MOB3B: variants seen among roughly 807,000 people sequenced by gnomAD.
MOB3B encodes the protein MOB kinase activator 3B.
Under a neutral mutation model 18.7 loss-of-function variants are expected in MOB3B, and 7 were observed. The ratio of observed to expected loss-of-function variants is 0.37; its 90% CI spans 0.21 to 0.70. The LOEUF (loss-of-function observed/expected upper bound fraction) is 0.70. Ranked by LOEUF, MOB3B falls within the 30% of genes least tolerant of loss-of-function variation. The pLI, the probability that MOB3B is intolerant of heterozygous loss-of-function variation, is 0.52. For synonymous variants in MOB3B, 111 were observed against 99.9 expected (o/e 1.11, Z -0.66); for missense variants, 253 against 281.3 (o/e 0.90, Z 0.72).
At chr9:27,489,817 C>T (rs1159071894) in intron 1 of MOB3B, among the ~76,000 whole-genome samples, 1 of 141,822 alleles carries the variant, frequency 7.1e-6, no homozygotes, top group Non-Finnish European at 1.5e-5. Flanking sequence ...TACAAGAATA[C>T]ACAAACTAAC....
chr9:27,393,372 A>AGT (rs35949017), intron 2 of MOB3B, among the ~76,000 whole-genome samples: 5,107 of 148,716 alleles, frequency 0.034, 143 homozygotes, highest in Admixed American at 0.087. Context: ...GGTGCAGAGA[A>AGT]GTGTGTGTGT....
chr9:27,472,226 T>A (rs1819483319), intron 1 of MOB3B, among the ~76,000 whole-genome samples: 1 of 151,902 alleles, frequency 6.6e-6, no homozygotes, highest in Non-Finnish European at 1.5e-5. Flanking sequence ...CCACACTATT[T>A]TTTTTTTAAT....
At chr9:27,466,716 AG>A (rs1255666427) in intron 1 of MOB3B, among the ~76,000 whole-genome samples, 3 of 152,232 alleles carry the variant, frequency 2.0e-5, no homozygotes, top group African/African-American at 7.2e-5. Context: ...AAGAAGCAAA[AG>A]CAGAAACCCC....
At chr9:27,479,873 T>A (rs985782145) in intron 1 of MOB3B, among the ~76,000 whole-genome samples, 4 of 152,012 alleles carry the variant, frequency 2.6e-5, no homozygotes, top group Admixed American at 2.0e-4. Flanking sequence ...CTGGGCAACA[T>A]AGTGAGACCT....
intron 1 of MOB3B, among the ~76,000 whole-genome samples, chr9:27,514,012 C>A (rs1401668867): frequency 6.6e-6 from 1 of 152,034 alleles, no homozygotes; most frequent in Admixed American, 6.6e-5. Flanking sequence ...CCATGAGAAA[C>A]CGTATTATCA....
At chr9:27,341,818 T>C (rs191469013) in intron 3 of MOB3B, among the ~76,000 whole-genome samples, 1 of 152,258 alleles carries the variant, frequency 6.6e-6, no homozygotes, top group East Asian at 1.9e-4. Context: ...GAGCGAGAAT[T>C]CAAACCAGGA....
intron 1 of MOB3B, among the ~76,000 whole-genome samples, chr9:27,521,981 G>A (rs1353192112): frequency 2.6e-5 from 4 of 151,992 alleles, no homozygotes; most frequent in East Asian, 1.9e-4. Flanking sequence ...AGTGGCTCAC[G>A]CCTGTAATCC....
Position 27,524,972 on chromosome 9 carries a change from G to A in MOB3B, c.-199+4583C>T, listed in dbSNP as rs1327472071. 5 of 1,549,780 alleles carry A rather than the reference G, an allele frequency of 3.2e-6. No homozygotes were observed. The South Asian group carries it at 5.0e-5, about 15-fold the overall frequency. On this transcript the variant is annotated intron_variant, in intron 1 of 3. Transcript: ENST00000262244. ...TCAGGAGGAAATAAGGTATATTTTT[G>A]GAATTAAAATTCCTTTTCCCTCCGA...
intron 2 of MOB3B, among the ~76,000 whole-genome samples, chr9:27,420,445 T>TTA (rs758690675): frequency 5.4e-5 from 8 of 149,370 alleles, no homozygotes; most frequent in Admixed American, 6.7e-5. Flanking sequence ...GAAACTATGA[T>TTA]TATATATATA....
At chr9:27,337,095 G>A (rs1461282967) in intron 3 of MOB3B, among the ~76,000 whole-genome samples, 3 of 152,192 alleles carry the variant, frequency 2.0e-5, no homozygotes, top group Non-Finnish European at 2.9e-5. Context: ...GACATACCTG[G>A]AAAAGTGGCT....
intron 2 of MOB3B, among the ~76,000 whole-genome samples, chr9:27,382,390 A>G (rs1406677005): frequency 6.6e-6 from 1 of 152,086 alleles, no homozygotes; most frequent in African/African-American, 2.4e-5. Context: ...AGTAGGATCA[A>G]CTGTTCCTAG....
chr9:27,360,661 C>G (rs530388717), intron 2 of MOB3B, among the ~76,000 whole-genome samples: 4 of 152,340 alleles, frequency 2.6e-5, no homozygotes, highest in Admixed American at 2.6e-4. Flanking sequence ...CTTCCCTCCA[C>G]AGAAACCTAG....
chr9:27,356,393 T>C (rs1587151597), intron 3 of MOB3B, among the ~76,000 whole-genome samples: 1 of 152,204 alleles, frequency 6.6e-6, no homozygotes, highest in Non-Finnish European at 1.5e-5. Flanking sequence ...GTCTAGGATA[T>C]TGACATGTTT....
intron 2 of MOB3B, among the ~76,000 whole-genome samples, chr9:27,432,412 T>C (rs981244132): frequency 3.5e-4 from 53 of 152,226 alleles, no homozygotes; most frequent in Non-Finnish European, 3.1e-4. Flanking sequence ...CTTTTATTTT[T>C]AGTAGTCTCT....
chr9:27,512,731 T>C (rs1292264121), intron 1 of MOB3B, among the ~76,000 whole-genome samples: 3 of 152,256 alleles, frequency 2.0e-5, no homozygotes, highest in African/African-American at 7.2e-5. Context: ...TTGTCAGCTC[T>C]AGGCTCTCAT....
chr9:27,417,145 C>T (rs1340914707), intron 2 of MOB3B, among the ~76,000 whole-genome samples: 1 of 152,044 alleles, frequency 6.6e-6, no homozygotes, highest in Non-Finnish European at 1.5e-5. Context: ...AGGTGGATCA[C>T]GAGGTGAGGA....
At chr9:27,450,185 G>C (rs1482268958) in intron 2 of MOB3B, among the ~76,000 whole-genome samples, 1 of 152,084 alleles carries the variant, frequency 6.6e-6, no homozygotes, top group Non-Finnish European at 1.5e-5. Flanking sequence ...TTTCCACAAT[G>C]CACTTGACCA....
chr9:27,378,232 A>C, intron 2 of MOB3B: 2 of 397,798 alleles, frequency 5.0e-6, no homozygotes, highest in South Asian at 3.7e-5. Flanking sequence ...TGAGTAGAAG[A>C]GTCTTTGCTT....
At chr9:27,459,278 A>G (rs1819241673) in intron 1 of MOB3B, among the ~76,000 whole-genome samples, 1 of 152,162 alleles carries the variant, frequency 6.6e-6, no homozygotes, top group Non-Finnish European at 1.5e-5. Flanking sequence ...TGCTTAGCCA[A>G]TGTGAACTCA....
Sources: allele counts gnomAD v4.1 joint callset (sites outside exome capture counted in the v4.1 genomes callset), GRCh38; gene constraint gnomAD v4.1.1; transcripts MANE v1.5; gene names NCBI Gene and HGNC (gene_info 2026-07-23, HGNC 2026-07-21).